Variants in GRIK2 observed in about 807,000 individuals in gnomAD.
GRIK2 encodes glutamate ionotropic receptor kainate type subunit 2, also known as glutamate receptor ionotropic, kainate 2.
In GRIK2, 32 loss-of-function variants were observed where a neutral mutation model predicts 100.3. The observed-to-expected ratio is 0.32, with a 90% CI of 0.24 to 0.43. GRIK2 has a LOEUF of 0.43. GRIK2 is among the 20% of genes least tolerant of loss of function. The pLI, the probability that GRIK2 is intolerant of heterozygous loss-of-function variation, is 1.00. For missense variants in GRIK2, 843 were observed against 1,114.9 expected (o/e 0.76, Z 3.47); for synonymous variants, 417 against 389.4 (o/e 1.07, Z -0.83).
At chr6:101,502,451 G>A (rs67536095) in intron 2 of GRIK2, among the ~76,000 whole-genome samples, 19,058 of 151,992 alleles carry the variant, frequency 0.13, 1,383 homozygotes, top group African/African-American at 0.2. Context: ...CAATGTGAAT[G>A]TGAATGCACT....
intron 2 of GRIK2, among the ~76,000 whole-genome samples, chr6:101,616,048 A>G (rs751259140): frequency 2.6e-5 from 4 of 151,652 alleles, no homozygotes; most frequent in South Asian, 4.1e-4. Flanking sequence ...GGCTTAGCCT[A>G]TTTGCCATGC....
At chr6:101,773,901 G>A (rs1055585292) in intron 7 of GRIK2, among the ~76,000 whole-genome samples, 7 of 152,092 alleles carry the variant, frequency 4.6e-5, no homozygotes, top group African/African-American at 1.7e-4. Flanking sequence ...ATGACAAGTT[G>A]CTACTACAAT....
chr6:101,568,926 C>CA (rs11440337), intron 2 of GRIK2, among the ~76,000 whole-genome samples: 152,073 of 152,134 alleles, frequency 1, 76,006 homozygotes, highest in Middle Eastern at 1. Context: ...TTCCTTTTCA[C>CA]ATGAAAATAA....
At chr6:101,961,747 C>T (rs963328598) in intron 14 of GRIK2, among the ~76,000 whole-genome samples, 6 of 152,092 alleles carry the variant, frequency 3.9e-5, no homozygotes, top group Non-Finnish European at 5.9e-5. Flanking sequence ...GGAGAGCTCA[C>T]CCTGAACGTT....
At position 101,555,610 on chromosome 6, in the gene GRIK2, C is replaced by G. The variant is rs186210347; in HGVS notation, c.116-66339C>G. On this transcript the variant is annotated intron_variant, in intron 2 of 16. Coordinates refer to ENST00000369134, the MANE Select transcript of GRIK2 (RefSeq NM_021956.5). ...TTTCTATTGGGTACATTATTTCCCT[C>G]TAAAAAGAGAATTTATAAAGCATAT... Among the ~76,000 whole-genome samples, 292 of 152,244 alleles carry G rather than the reference C, an allele frequency of 1.9e-3. 2 individuals carry two copies. The highest frequency in any genetic ancestry group is 6.9e-3 in the African/African-American group (288 of 41,546).
intron 11 of GRIK2, among the ~76,000 whole-genome samples, chr6:101,880,125 G>A (rs545826737): frequency 1.3e-5 from 2 of 152,134 alleles, no homozygotes; most frequent in South Asian, 4.1e-4. Flanking sequence ...TTAGTGGGCA[G>A]AACTCAAGGC....
At chr6:101,966,773 G>A (rs1792701541) in intron 14 of GRIK2, among the ~76,000 whole-genome samples, 1 of 152,078 alleles carries the variant, frequency 6.6e-6, no homozygotes, top group East Asian at 1.9e-4. Context: ...AGCAAACTGG[G>A]AAAATATTAA....
At chr6:101,858,635 C>T (rs1174121938) in intron 10 of GRIK2, among the ~76,000 whole-genome samples, 2 of 151,852 alleles carry the variant, frequency 1.3e-5, no homozygotes, top group East Asian at 3.9e-4. Context: ...GTGATCTGCC[C>T]GCCTTGGCCT....
chr6:101,402,932 G>C (rs1032543820), intron 2 of GRIK2, among the ~76,000 whole-genome samples: 1 of 152,154 alleles, frequency 6.6e-6, no homozygotes, highest in African/African-American at 2.4e-5. Flanking sequence ...CCAATTCCAC[G>C]GCCTCTAAGC....
At chr6:101,806,471 G>A (rs771504809) in intron 9 of GRIK2, among the ~76,000 whole-genome samples, 17 of 151,918 alleles carry the variant, frequency 1.1e-4, no homozygotes, top group Non-Finnish European at 2.2e-4. Flanking sequence ...ACAGCAGCCA[G>A]GCAGATATTT....
At chr6:101,398,071 T>G (rs1775086909) in intron 1 of GRIK2, among the ~76,000 whole-genome samples, 1 of 152,140 alleles carries the variant, frequency 6.6e-6, no homozygotes, top group African/African-American at 2.4e-5. Context: ...TGACTCTAAA[T>G]ATTCCTACCA....
At chr6:101,585,457 T>C (rs1213766638) in intron 2 of GRIK2, among the ~76,000 whole-genome samples, 1 of 152,138 alleles carries the variant, frequency 6.6e-6, no homozygotes, top group African/African-American at 2.4e-5. Context: ...TATGCCATCT[T>C]GTAGTAATGA....
In GRIK2 at chr6:101,692,723, G is replaced by A. The variant is rs185455232; in HGVS notation, c.951+6370G>A. On this transcript the variant is annotated intron_variant, in intron 7 of 16. Transcript: ENST00000369134. ...TAACATAACTTCTTAGTATTTTGTCGAAAAATGTGTAACATTTCACAAAAT... is the reference window on the plus strand; with the variant it reads ...TAACATAACTTCTTAGTATTTTGTCAAAAAATGTGTAACATTTCACAAAAT... Among the ~76,000 whole-genome samples the A allele has an allele frequency of 4.8e-4, 73 of 151,744 alleles. 1 individual carries two copies. Among genetic ancestry groups the A allele is most frequent in the East Asian group, 2.1e-3 (11 of 5,162 alleles).
At chr6:101,952,101 G>A (rs192151607) in intron 14 of GRIK2, among the ~76,000 whole-genome samples, 6 of 152,264 alleles carry the variant, frequency 3.9e-5, no homozygotes, top group Admixed American at 3.9e-4. Context: ...TGCCTAATCT[G>A]TTCTCCATTT....
At chr6:102,031,903 A>G (rs1770020466) in intron 14 of GRIK2, among the ~76,000 whole-genome samples, 1 of 151,348 alleles carries the variant, frequency 6.6e-6, no homozygotes, top group Admixed American at 6.6e-5. Flanking sequence ...GGAAAAGTTA[A>G]ACCAACAAGG....
At chr6:101,421,286 T>C (rs1776399760) in intron 2 of GRIK2, among the ~76,000 whole-genome samples, 1 of 152,216 alleles carries the variant, frequency 6.6e-6, no homozygotes, top group Non-Finnish European at 1.5e-5. Context: ...AACTTTGCCT[T>C]TCTCTCTCCT....
At chr6:101,925,659 A>T (rs1013923238) in intron 13 of GRIK2, among the ~76,000 whole-genome samples, 1 of 152,012 alleles carries the variant, frequency 6.6e-6, no homozygotes, top group Non-Finnish European at 1.5e-5. Flanking sequence ...AAGAAAAAAA[A>T]ACATATTTCT....
chr6:101,487,907 A>G (rs1772912265), intron 2 of GRIK2, among the ~76,000 whole-genome samples: 1 of 146,326 alleles, frequency 6.8e-6, no homozygotes, highest in African/African-American at 2.6e-5. Flanking sequence ...ATGTTATTTT[A>G]TTTTATTAGC....
chr6:101,443,877 A>ATT, intron 2 of GRIK2, among the ~76,000 whole-genome samples: 1 of 150,986 alleles, frequency 6.6e-6, no homozygotes, highest in Non-Finnish European at 1.5e-5. Flanking sequence ...TTTAAAATTT[A>ATT]TTTTATTTTA....
Sources: allele counts gnomAD v4.1 joint callset (sites outside exome capture counted in the v4.1 genomes callset), GRCh38; gene constraint gnomAD v4.1.1; transcripts MANE v1.5; gene names NCBI Gene and HGNC (gene_info 2026-07-23, HGNC 2026-07-21).